The following ELMO1 variants were observed in gnomAD, a reference collection of about 807,000 sequenced individuals.
ELMO1 encodes engulfment and cell motility 1.
In ELMO1, 26 loss-of-function variants were observed where a neutral mutation model predicts 98.9. The ratio of observed to expected loss-of-function variants is 0.26; its 90% CI spans 0.19 to 0.36. ELMO1 has a LOEUF of 0.36. Among genes scored for constraint, ELMO1 ranks in the 10% least tolerant of loss-of-function variants. ELMO1 has a pLI of 1.00. For synonymous variants in ELMO1, 346 were observed against 346.0 expected, an observed-to-expected ratio of 1.00 and a Z score of 0.00; for missense variants, 627 against 935.2, an observed-to-expected ratio of 0.67 and a Z score of 4.30.
intron 10 of ELMO1, among the ~76,000 whole-genome samples, chr7:37,220,698 G>A (rs545846811): frequency 1.3e-5 from 2 of 152,126 alleles, no homozygotes; most frequent in Non-Finnish European, 2.9e-5. Flanking sequence ...AGTAGTGTTT[G>A]GTATAAAATA....
At chr7:37,319,528 C>G (rs1799370221) in intron 2 of ELMO1, among the ~76,000 whole-genome samples, 2 of 152,172 alleles carry the variant, frequency 1.3e-5, no homozygotes, top group Non-Finnish European at 2.9e-5. Context: ...TCTGACCCAG[C>G]ACCCTTTCCT....
At chr7:37,164,405 C>A (rs1381387173) in intron 13 of ELMO1, among the ~76,000 whole-genome samples, 2 of 152,050 alleles carry the variant, frequency 1.3e-5, no homozygotes, top group Admixed American at 1.3e-4. Flanking sequence ...GACATGAAGT[C>A]CTTGCCCATG....
intron 16 of ELMO1, among the ~76,000 whole-genome samples, chr7:36,991,090 T>G (rs528167388): frequency 6.6e-6 from 1 of 152,186 alleles, no homozygotes; most frequent in Admixed American, 6.5e-5. Flanking sequence ...GTCTCTACAG[T>G]TTACGACATG....
At chr7:37,052,744 G>A (rs1318547799) in intron 15 of ELMO1, among the ~76,000 whole-genome samples, 1 of 152,218 alleles carries the variant, frequency 6.6e-6, no homozygotes, top group Non-Finnish European at 1.5e-5. Flanking sequence ...AAAGGCAGCA[G>A]AATTATCAGA....
At chr7:37,215,025 AAAG>A (rs1205365328) in intron 11 of ELMO1, among the ~76,000 whole-genome samples, 2 of 152,238 alleles carry the variant, frequency 1.3e-5, no homozygotes, top group Non-Finnish European at 2.9e-5. Flanking sequence ...GAGCCAATAT[AAAG>A]AAGGACAGTA....
At chr7:37,138,829 A>G (rs1048767802) in intron 13 of ELMO1, among the ~76,000 whole-genome samples, 3 of 152,206 alleles carry the variant, frequency 2.0e-5, no homozygotes, top group Non-Finnish European at 4.4e-5. Context: ...TCCTCAATAA[A>G]ATACTAGTGA....
In ELMO1 at chr7:36,943,752, G is replaced by T. The variant is rs184893137; in HGVS notation, c.1438-48735C>A. The stretch of plus-strand genomic sequence containing the variant: ...ACGCTTTGCACTTTTGTTTTCAATT[G>T]CAGAACATATTTTCATAACAAAAAG... On this transcript the variant is annotated intron_variant, in intron 16 of 21. Coordinates refer to ENST00000310758, the MANE Select transcript of ELMO1 (RefSeq NM_014800.11). 2.0e-5 allele frequency among the ~76,000 whole-genome samples: 3 copies of T among 152,260 alleles called. No homozygotes were observed. In the East Asian group the frequency reaches 5.8e-4, roughly 29 times the overall value.
intron 16 of ELMO1, among the ~76,000 whole-genome samples, chr7:36,973,827 C>G (rs1397215883): frequency 1.3e-5 from 2 of 152,096 alleles, no homozygotes; most frequent in Non-Finnish European, 2.9e-5. Flanking sequence ...CTTGGCGGCC[C>G]GCACTCGGAG....
intron 16 of ELMO1, among the ~76,000 whole-genome samples, chr7:36,990,822 G>T (rs1791825242): frequency 6.6e-6 from 1 of 152,092 alleles, no homozygotes; most frequent in Non-Finnish European, 1.5e-5. Flanking sequence ...AAAATATGGT[G>T]ACTATTATAG....
intron 16 of ELMO1, among the ~76,000 whole-genome samples, chr7:36,929,689 A>T (rs1259635585): frequency 1.3e-5 from 2 of 152,146 alleles, no homozygotes; most frequent in Non-Finnish European, 2.9e-5. Flanking sequence ...TATGTCTTAG[A>T]CTCACTGTAA....
chr7:37,160,755 T>C (rs1260424235), intron 13 of ELMO1, among the ~76,000 whole-genome samples: 3 of 152,146 alleles, frequency 2.0e-5, no homozygotes, highest in Non-Finnish European at 4.4e-5. Context: ...CATGACCAGA[T>C]GTCCCACCCC....
Position 36,870,427 on chromosome 7 carries a change from T to G in ELMO1, c.1871A>C (p.His624Pro), listed in dbSNP as rs759826224. The change falls in exon 20 of 22, where the codon CAT becomes CCT. Residue 624 changes from histidine to proline, a missense_variant. Physicochemically the swap from His to Pro is moderately conservative, Grantham distance 77. This residue lies in a region of ELMO1 where 492 missense variants were observed against 715.6 expected (regional missense o/e 0.69). Coordinates refer to ENST00000310758, the MANE Select transcript of ELMO1 (RefSeq NM_014800.11). This position sits in a 1 kb window ranked among gnomAD's most constrained non-coding sequence, Gnocchi z 4.4. ...KAVVTGKDCPHMKEKGALKQN... is the reference protein window; with the variant it reads ...KAVVTGKDCPPMKEKGALKQN... ...TTTAAGGGCACCTTTCTCTTTCATATGAGGGCAGTCCTTTCCCGTCACCAC... is the reference window on the plus strand; with the variant it reads ...TTTAAGGGCACCTTTCTCTTTCATAGGAGGGCAGTCCTTTCCCGTCACCAC... 1 of 1,614,152 alleles carries G rather than the reference T, an allele frequency of 6.2e-7. No homozygotes were observed. The highest frequency in any genetic ancestry group is 1.7e-5 in the Admixed American group (1 of 60,020).
intron 13 of ELMO1, among the ~76,000 whole-genome samples, chr7:37,166,690 G>A (rs532945173): frequency 2.8e-4 from 42 of 152,336 alleles, no homozygotes; most frequent in African/African-American, 8.7e-4. Flanking sequence ...TGATTGCACT[G>A]TGGTCTGAGA....
chr7:37,110,091 C>T (rs984270962), intron 14 of ELMO1, among the ~76,000 whole-genome samples: 1 of 152,224 alleles, frequency 6.6e-6, no homozygotes, highest in East Asian at 1.9e-4. Flanking sequence ...GCTGGCTGCT[C>T]TTGGTTCCCA....
At chr7:37,127,671 A>T (rs1317393774) in intron 14 of ELMO1, among the ~76,000 whole-genome samples, 1 of 152,182 alleles carries the variant, frequency 6.6e-6, no homozygotes, top group African/African-American at 2.4e-5. Context: ...ACCATGAAGA[A>T]TTACATTATC....
At chr7:37,244,791 T>G (rs775977206) in intron 6 of ELMO1, among the ~76,000 whole-genome samples, 1 of 152,194 alleles carries the variant, frequency 6.6e-6, no homozygotes, top group African/African-American at 2.4e-5. Flanking sequence ...TTATTATCTT[T>G]CTTTGGTAGA....
chr7:36,927,487 A>G (rs568830540), intron 16 of ELMO1, among the ~76,000 whole-genome samples: 1 of 152,356 alleles, frequency 6.6e-6, no homozygotes, highest in African/African-American at 2.4e-5. Flanking sequence ...AAAACCACAT[A>G]TAGAAATCCT....
At chr7:36,930,432 T>A (rs1361459604) in intron 16 of ELMO1, among the ~76,000 whole-genome samples, 1 of 152,236 alleles carries the variant, frequency 6.6e-6, no homozygotes, top group Non-Finnish European at 1.5e-5. Context: ...AAATGAAAAC[T>A]ACAATTTCCT....
intron 1 of ELMO1, among the ~76,000 whole-genome samples, chr7:37,418,949 C>T (rs546974843): frequency 6.6e-6 from 1 of 152,104 alleles, no homozygotes; most frequent in African/African-American, 2.4e-5. Flanking sequence ...GAACATGAGT[C>T]GAGGGAAGAA....
Sources: gnomAD v4.1 joint callset for allele counts (sites outside exome capture counted in the v4.1 genomes callset) on GRCh38, gnomAD v4.1.1 for gene constraint, gnomAD v4.1.1 regional missense constraint, Gnocchi (gnomAD v3.1) non-coding constraint, MANE v1.5 for transcripts, NCBI Gene and HGNC (gene_info 2026-07-23, HGNC 2026-07-21) for gene names.